ITPR2: variants seen among roughly 807,000 people sequenced by gnomAD.
ITPR2 encodes inositol 1,4,5-trisphosphate receptor type 2.
Under a neutral mutation model 317.1 loss-of-function variants are expected in ITPR2, and 207 were observed. The ratio of observed to expected loss-of-function variants is 0.65; its 90% confidence interval spans 0.58 to 0.73. The LOEUF (loss-of-function observed/expected upper bound fraction) is 0.73, where lower values mean the gene tolerates loss of function less well. Ranked by LOEUF, ITPR2 falls within the 30% of genes least tolerant of loss-of-function variation. The pLI is 0.00. For synonymous variants in ITPR2, 1,156 were observed against 1,149.1 expected (o/e 1.01, Z -0.12); for missense variants, 2,613 against 3,284.0 (o/e 0.80, Z 4.99).
At chr12:26,671,262 T>C (rs960099644) in intron 13 of ITPR2, among the ~76,000 whole-genome samples, 3 of 151,698 alleles carry the variant, frequency 2.0e-5, no homozygotes, top group Non-Finnish European at 2.9e-5. Flanking sequence ...TTCACCAAAG[T>C]TGAAATGAAG....
At chr12:26,563,489 G>A (rs1944873727) in intron 34 of ITPR2, among the ~76,000 whole-genome samples, 1 of 151,996 alleles carries the variant, frequency 6.6e-6, no homozygotes, top group Non-Finnish European at 1.5e-5. Flanking sequence ...AGAATCGCTT[G>A]AACCCAGTAG....
Position 26,711,274 on chromosome 12 carries a change from AAGAGAGCAACGAT to A in ITPR2, c.856-19_856-7del. 1 of 1,600,038 alleles carries A rather than the reference AAGAGAGCAACGAT, an allele frequency of 6.2e-7. No individual in the cohort carries two copies. Among genetic ancestry groups the A allele is most frequent in the South Asian group, 1.1e-5 (1 of 90,798 alleles). On this transcript the variant is annotated splice_polypyrimidine_tract_variant and splice_region_variant and intron_variant, in intron 8 of 56. Transcript: ENST00000381340. ...CATGGGTCATGATGAACCACCTACA[AAGAGAGCAACGAT>A]AGTAATGGCAAAACAATATTTATGT...
At chr12:26,498,491 G>A (rs1942996896) in intron 37 of ITPR2, among the ~76,000 whole-genome samples, 1 of 152,220 alleles carries the variant, frequency 6.6e-6, no homozygotes, top group Non-Finnish European at 1.5e-5. Context: ...TATAGTAGAA[G>A]GAGATGCTAT....
intron 37 of ITPR2, among the ~76,000 whole-genome samples, chr12:26,525,676 G>C (rs1411848881): frequency 6.6e-6 from 1 of 152,130 alleles, no homozygotes; most frequent in East Asian, 1.9e-4. Context: ...CAGTATTCTA[G>C]ATGATTTGTT....
At chr12:26,772,832 G>A (rs1048238434) in intron 2 of ITPR2, among the ~76,000 whole-genome samples, 2 of 150,742 alleles carry the variant, frequency 1.3e-5, no homozygotes, top group African/African-American at 4.9e-5. Context: ...GGTTTGCTGC[G>A]CCTATTGACC....
intron 9 of ITPR2, among the ~76,000 whole-genome samples, chr12:26,702,450 T>G (rs11048664): frequency 0.42 from 56,213 of 132,710 alleles, 12,181 homozygotes; most frequent in Middle Eastern, 0.47. Context: ...TTTTCTCCTT[T>G]TATTTTGAGA....
intron 45 of ITPR2, among the ~76,000 whole-genome samples, chr12:26,468,130 A>T (rs1942212729): frequency 6.6e-6 from 1 of 152,142 alleles, no homozygotes; most frequent in Non-Finnish European, 1.5e-5. Context: ...AACAAAGAAT[A>T]GTTGCTGGCT....
rs556908489 is a variant in ITPR2 at position 26,621,270 on chromosome 12, G to A, written c.3315C>T (p.Asp1105=). The A allele has an allele frequency of 2.6e-5, 42 of 1,612,062 alleles. No homozygotes were observed. In the East Asian group the frequency reaches 2.9e-4, roughly 11 times the overall value. Reference sequence around the variant, plus strand: ...CCTTGATTTGCTTGTAGTTATCTACGTCTTGATTAGACACCAGTAATTGCA... The same window carrying A: ...CCTTGATTTGCTTGTAGTTATCTACATCTTGATTAGACACCAGTAATTGCA... The part of the protein sequence containing the change: ...KQVQLLVSNQ[D]VDNYKQIKAD... Residue 1105 remains aspartate (D), a synonymous_variant, in exon 26 of 57, where the codon GAC becomes GAT. Transcript: ENST00000381340.
At chr12:26,602,787 ATATTTTGTAAT>A (rs1946031547) in intron 26 of ITPR2, 81 bp from the exon 27 acceptor site, 3 of 571,852 alleles carry the variant, frequency 5.2e-6, no homozygotes, top group African/African-American at 3.9e-5. Context: ...AATAATAAAT[ATATTTTGTAAT>A]TATTTTGTAA....
At chr12:26,532,490 C>T (rs12230562) in intron 37 of ITPR2, among the ~76,000 whole-genome samples, 12,228 of 152,214 alleles carry the variant, frequency 0.08, 1,204 homozygotes, top group East Asian at 0.45. Flanking sequence ...AAGCAGTCTT[C>T]CCACCTCAGC....
chr12:26,668,103 T>C (rs1947668015), intron 13 of ITPR2, among the ~76,000 whole-genome samples: 1 of 152,230 alleles, frequency 6.6e-6, no homozygotes. Flanking sequence ...ACTCTGATTC[T>C]ATACTGGGCA....
chr12:26,535,467 T>TA (rs1243527049), intron 37 of ITPR2, among the ~76,000 whole-genome samples: 2 of 152,180 alleles, frequency 1.3e-5, no homozygotes, highest in Non-Finnish European at 2.9e-5. Context: ...GATTAGAAAT[T>TA]AAGATGCATC....
In ITPR2 at chr12:26,831,219, C is replaced by T. The variant is rs570048248; in HGVS notation, c.92+1471G>A. Among the ~76,000 whole-genome samples, 89 of 152,304 alleles carry T rather than the reference C, an allele frequency of 5.8e-4. 2 individuals carry two copies. The South Asian group carries it at 0.018, about 30-fold the overall frequency. On this transcript the variant is annotated intron_variant, in intron 1 of 56. Coordinates refer to ENST00000381340, the MANE Select transcript of ITPR2 (RefSeq NM_002223.4). This position sits in a 1 kb window ranked among gnomAD's most constrained non-coding sequence, Gnocchi z 4.9. Reference sequence around the variant, plus strand: ...TCACAAACCCAGCAGAAGCGCTTGGCACTAACGTGTTTTTCCTACCACGCT... The same window carrying T: ...TCACAAACCCAGCAGAAGCGCTTGGTACTAACGTGTTTTTCCTACCACGCT...
At chr12:26,641,416 A>G (rs1946984686) in intron 21 of ITPR2, among the ~76,000 whole-genome samples, 1 of 151,242 alleles carries the variant, frequency 6.6e-6, no homozygotes, top group African/African-American at 2.4e-5. Flanking sequence ...TAAAATAATA[A>G]TAGAAAGAAT....
chr12:26,764,893 T>C (rs1276000206), intron 2 of ITPR2, among the ~76,000 whole-genome samples: 2 of 152,098 alleles, frequency 1.3e-5, no homozygotes, highest in Non-Finnish European at 2.9e-5. Flanking sequence ...ATTCCTAAAT[T>C]GTTGAATATT....
At chr12:26,673,179 C>A (rs891357042) in intron 13 of ITPR2, among the ~76,000 whole-genome samples, 20 of 152,152 alleles carry the variant, frequency 1.3e-4, no homozygotes, top group Non-Finnish European at 2.5e-4. Flanking sequence ...AGGGAATCCT[C>A]CCTAACTCAT....
chr12:26,507,857 CTGTCTCTG>C (rs1299623638), intron 37 of ITPR2, among the ~76,000 whole-genome samples: 60 of 88,336 alleles, frequency 6.8e-4, no homozygotes, highest in African/African-American at 1.5e-3. Context: ...TCTTCTCTCT[CTGTCTCTG>C]TGTGTGTGTG....
At position 26,602,723 on chromosome 12, in the gene ITPR2, T is replaced by TGGA; in HGVS notation, c.3463-18_3463-17insTCC. On this transcript the variant is annotated splice_polypyrimidine_tract_variant and intron_variant, in intron 26 of 56. Transcript: ENST00000381340. ...GTTTGATTCCTAAAAGGAACACAAA[T>TGGA]ATGTACTTTTATGCCATTTGTAGCT... 7.3e-7 allele frequency: 1 copy of TGGA among 1,372,936 alleles called. No individual in the cohort carries two copies. The highest frequency in any genetic ancestry group is 1.0e-6 in the Non-Finnish European group (1 of 973,862). 85.0% of individuals were successfully genotyped at this position (1,372,936 alleles called of 1,614,324 possible).
chr12:26,829,377 C>G (rs1037949914), intron 1 of ITPR2, among the ~76,000 whole-genome samples: 5 of 151,868 alleles, frequency 3.3e-5, no homozygotes, highest in African/African-American at 1.2e-4. Context: ...GTCACCCAGG[C>G]TGGAGTGCAA....
Sources: allele counts gnomAD v4.1 joint callset (sites outside exome capture counted in the v4.1 genomes callset), GRCh38; gene constraint gnomAD v4.1.1; non-coding constraint Gnocchi (gnomAD v3.1); transcripts MANE v1.5; gene names NCBI Gene and HGNC (gene_info 2026-07-23, HGNC 2026-07-21).